The following ATF7IP variants were observed in gnomAD, a reference collection of about 807,000 sequenced individuals.
ATF7IP encodes the protein activating transcription factor 7 interacting protein.
Under a neutral mutation model 106.4 loss-of-function variants are expected in ATF7IP, and 23 were observed. The observed-to-expected ratio is 0.22, with a 90% CI of 0.16 to 0.31. The LOEUF (loss-of-function observed/expected upper bound fraction) is 0.31. Among genes scored for constraint, ATF7IP ranks in the 10% least tolerant of loss-of-function variants. The pLI is 1.00. For synonymous variants in ATF7IP, 542 were observed against 539.0 expected (o/e 1.01, Z -0.08); for missense variants, 1,334 against 1,524.3 (o/e 0.88, Z 2.08).
intron 1 of ATF7IP, chr12:14,416,836 C>G (rs980623553): frequency 1.2e-6 from 1 of 853,756 alleles, no homozygotes; most frequent in Non-Finnish European, 1.4e-6. Flanking sequence ...GCCAATCAGA[C>G]AGTGAATTTC....
intron 8 of ATF7IP, among the ~76,000 whole-genome samples, chr12:14,459,353 G>A (rs920625155): frequency 6.6e-6 from 1 of 152,132 alleles, no homozygotes; most frequent in Non-Finnish European, 1.5e-5. Flanking sequence ...TCTTCACATG[G>A]AATATTAAGA....
chr12:14,485,390 A>AC (rs1235467190), intron 13 of ATF7IP, among the ~76,000 whole-genome samples: 1 of 151,964 alleles, frequency 6.6e-6, no homozygotes. Context: ...ACACCACTGG[A>AC]CCCTAGAAAT....
intron 10 of ATF7IP, among the ~76,000 whole-genome samples, chr12:14,473,487 A>C (rs10846002): frequency 0.45 from 69,080 of 151,860 alleles, 16,239 homozygotes; most frequent in East Asian, 0.6. Flanking sequence ...CATATATTAC[A>C]TTGTTTTTAA....
At chr12:14,448,242 C>G (rs954856749) in intron 6 of ATF7IP, among the ~76,000 whole-genome samples, 8 of 152,050 alleles carry the variant, frequency 5.3e-5, no homozygotes, top group African/African-American at 1.9e-4. Flanking sequence ...TACATAGAGC[C>G]CTATGAACTC....
chr12:14,405,083 G>C (rs138409161), intron 1 of ATF7IP, among the ~76,000 whole-genome samples: 1 of 152,126 alleles, frequency 6.6e-6, no homozygotes, highest in Non-Finnish European at 1.5e-5. Context: ...AGGCATTGTT[G>C]CTAGGAAAAA....
intron 14 of ATF7IP, 27 bp from the exon 15 acceptor site, chr12:14,497,617 TGCAATCATCA>T (rs1457270285): frequency 6.4e-7 from 1 of 1,558,612 alleles, no homozygotes; most frequent in Admixed American, 1.9e-5. Flanking sequence ...TAGTTCTTTT[TGCAATCATCA>T]TTAATCAGTG....
chr12:14,389,130 G>A (rs1939408081), intron 1 of ATF7IP, among the ~76,000 whole-genome samples: 1 of 152,108 alleles, frequency 6.6e-6, no homozygotes, highest in Admixed American at 6.6e-5. Context: ...TGCCTCTCGA[G>A]TGTCATATAC....
intron 1 of ATF7IP, among the ~76,000 whole-genome samples, chr12:14,380,401 C>T (rs1938953872): frequency 6.6e-6 from 1 of 152,122 alleles, no homozygotes; most frequent in African/African-American, 2.4e-5. Flanking sequence ...TGAAACTTCC[C>T]TTTAGGCTGA....
intron 1 of ATF7IP, among the ~76,000 whole-genome samples, chr12:14,401,846 T>C (rs540540142): frequency 7.9e-4 from 120 of 151,186 alleles, no homozygotes; most frequent in African/African-American, 2.8e-3. Context: ...CCCGAGTAGC[T>C]GGGGTTACAG....
intron 1 of ATF7IP, chr12:14,369,213 A>G (rs1199810362): frequency 6.6e-6 from 1 of 151,618 alleles, no homozygotes; most frequent in African/African-American, 2.4e-5. Flanking sequence ...TCAGCCTCCC[A>G]AAGTGCTGAG....
At position 14,398,126 on chromosome 12, in the gene ATF7IP, T is replaced by TG. The variant is rs1383673839; in HGVS notation, c.-7-25782dup. 3.3e-5 allele frequency among the ~76,000 whole-genome samples: 5 copies of TG among 152,248 alleles called. No individual in the cohort carries two copies. The East Asian group carries it at 9.6e-4, about 29-fold the overall frequency. The stretch of plus-strand genomic sequence containing the variant: ...GCAAGGTTTTTTTCTGTTTTAATAG[T>TG]GTTTTTAAAGAACTGGCTTTTGGTT... On this transcript the variant is annotated intron_variant, in intron 1 of 14. Transcript: ENST00000261168.
intron 14 of ATF7IP, among the ~76,000 whole-genome samples, chr12:14,496,808 TC>T (rs1351264765): frequency 6.6e-6 from 1 of 152,308 alleles, no homozygotes; most frequent in African/African-American, 2.4e-5. Flanking sequence ...AGATTTAGCC[TC>T]CAAAACAATG....
intron 5 of ATF7IP, among the ~76,000 whole-genome samples, chr12:14,446,228 A>AG: frequency 6.6e-6 from 1 of 151,814 alleles, no homozygotes; most frequent in African/African-American, 2.4e-5. Context: ...GCTCACTGCA[A>AG]CCTCTGCCTC....
chr12:14,380,521 G>T (rs1379195200), intron 1 of ATF7IP, among the ~76,000 whole-genome samples: 1 of 152,218 alleles, frequency 6.6e-6, no homozygotes, highest in Admixed American at 6.5e-5. Context: ...AGAGAAATAG[G>T]CTCTGATTGC....
At chr12:14,415,691 G>GT (rs71067794) in intron 1 of ATF7IP, among the ~76,000 whole-genome samples, 88,952 of 144,668 alleles carry the variant, frequency 0.61, 28,237 homozygotes, top group African/African-American at 0.79. Flanking sequence ...ACCACTTACT[G>GT]TTTTTTTTTT....
Position 14,496,038 on chromosome 12 carries a change from A to G in ATF7IP, c.3281-193A>G, listed in dbSNP as rs147116725. Among the ~76,000 whole-genome samples the G allele has an allele frequency of 1.1e-4, 16 of 152,278 alleles. No homozygotes were observed. The East Asian group carries it at 2.7e-3, about 26-fold the overall frequency. Reference sequence around the variant, plus strand: ...GTTAGAATTTTTTTTTAGTGCTTGCATGTAAGAAAGTTTTTTTATCCACAG... The same window carrying G: ...GTTAGAATTTTTTTTTAGTGCTTGCGTGTAAGAAAGTTTTTTTATCCACAG... On this transcript the variant is annotated intron_variant, in intron 13 of 14. Transcript: ENST00000261168.
At chr12:14,461,364 A>G (rs1943632205) in intron 9 of ATF7IP, among the ~76,000 whole-genome samples, 1 of 152,102 alleles carries the variant, frequency 6.6e-6, no homozygotes, top group Admixed American at 6.6e-5. Context: ...TTTATCTTTT[A>G]GTAATTTTCC....
intron 12 of ATF7IP, among the ~76,000 whole-genome samples, chr12:14,478,752 A>G (rs1944341211): frequency 6.6e-6 from 1 of 152,202 alleles, no homozygotes. Context: ...ATCCAAAATA[A>G]TAATATTCTG....
At chr12:14,415,691 G>GTTTTT (rs71067794) in intron 1 of ATF7IP, among the ~76,000 whole-genome samples, 1 of 144,820 alleles carries the variant, frequency 6.9e-6, no homozygotes, top group Admixed American at 6.9e-5. Flanking sequence ...ACCACTTACT[G>GTTTTT]TTTTTTTTTT....
Sources: allele counts gnomAD v4.1 joint callset (sites outside exome capture counted in the v4.1 genomes callset), GRCh38; gene constraint gnomAD v4.1.1; transcripts MANE v1.5; gene names NCBI Gene and HGNC (gene_info 2026-07-23, HGNC 2026-07-21).